ADAMTS12: variants seen among roughly 807,000 people sequenced by gnomAD.
ADAMTS12 encodes ADAM metallopeptidase with thrombospondin type 1 motif 12.
Under a neutral mutation model 167.8 loss-of-function variants are expected in ADAMTS12, and 118 were observed. That is an observed-to-expected ratio of 0.70 (90% confidence interval 0.61 to 0.82). The LOEUF (loss-of-function observed/expected upper bound fraction) is 0.82. Among genes scored for constraint, ADAMTS12 ranks in the 40% least tolerant of loss-of-function variants. The probability of loss-of-function intolerance (pLI) is 0.00; values close to 1 mark genes in which losing one functional copy is unlikely to be tolerated. For synonymous variants in ADAMTS12, 704 were observed against 716.9 expected (o/e 0.98, Z 0.29); for missense variants, 1,916 against 1,998.8 (o/e 0.96, Z 0.79).
At chr5:33,532,200 A>C (rs1196888502) in intron 23 of ADAMTS12, among the ~76,000 whole-genome samples, 1 of 152,114 alleles carries the variant, frequency 6.6e-6, no homozygotes, top group Non-Finnish European at 1.5e-5. Context: ...AGGCGATAAT[A>C]TTTTTTTCAC....
chr5:33,808,604 G>A (rs905070741), intron 2 of ADAMTS12, among the ~76,000 whole-genome samples: 3 of 152,136 alleles, frequency 2.0e-5, no homozygotes, highest in Admixed American at 6.5e-5. Flanking sequence ...AAAGGAAATC[G>A]AATAGAAGAT....
At chr5:33,626,857 GAT>G (rs1739664156) in intron 13 of ADAMTS12, among the ~76,000 whole-genome samples, 1 of 150,986 alleles carries the variant, frequency 6.6e-6, no homozygotes, top group Non-Finnish European at 1.5e-5. Context: ...TGGTGGTGGT[GAT>G]TTGATGGTGG....
At chr5:33,673,891 A>C (rs984754805) in intron 5 of ADAMTS12, among the ~76,000 whole-genome samples, 2 of 151,540 alleles carry the variant, frequency 1.3e-5, no homozygotes, top group Middle Eastern at 6.8e-3. Context: ...ACCTCTATTC[A>C]TTCTTTAAGA....
At chr5:33,619,352 A>C (rs1320500256) in intron 14 of ADAMTS12, among the ~76,000 whole-genome samples, 1 of 152,192 alleles carries the variant, frequency 6.6e-6, no homozygotes, top group Non-Finnish European at 1.5e-5. Context: ...CCTGCCTTAA[A>C]TCTGGTATTC....
intron 9 of ADAMTS12, among the ~76,000 whole-genome samples, chr5:33,644,947 G>T (rs1740604978): frequency 6.6e-6 from 1 of 152,070 alleles, no homozygotes; most frequent in Non-Finnish European, 1.5e-5. Context: ...AGCCAGGATG[G>T]TCTTGATCTC....
chr5:33,727,057 A>T (rs1744006780), intron 3 of ADAMTS12, among the ~76,000 whole-genome samples: 1 of 152,054 alleles, frequency 6.6e-6, no homozygotes. Context: ...GCTCTCACAA[A>T]GCTTCCTCTC....
intron 2 of ADAMTS12, among the ~76,000 whole-genome samples, chr5:33,751,858 G>T (rs1162167169): frequency 6.6e-6 from 1 of 152,200 alleles, no homozygotes; most frequent in African/African-American, 2.4e-5. Context: ...AAAACCCATT[G>T]CTGGATATCT....
intron 12 of ADAMTS12, among the ~76,000 whole-genome samples, chr5:33,631,465 T>C (rs1362135227): frequency 3.3e-5 from 4 of 120,452 alleles, no homozygotes; most frequent in East Asian, 2.2e-4. Context: ...TTGACAACCA[T>C]GTAGAAACAT....
Position 33,526,019 on chromosome 5 carries a change from A to G in ADAMTS12, c.*1169T>C, listed in dbSNP as rs1028037888. The stretch of plus-strand genomic sequence containing the variant: ...CTGATTCACCTGTTCTCCCCAAAGT[A>G]AAAGATCTTTAAGACTAACTACATA... On this transcript the variant is annotated 3_prime_UTR_variant, in exon 24 of 24. Transcript: ENST00000504830. 3.9e-5 allele frequency: 6 copies of G among 152,210 alleles called. No homozygotes were observed. Among genetic ancestry groups the G allele is most frequent in the African/African-American group, 1.4e-4 (6 of 41,458 alleles). 9.4% of individuals were successfully genotyped at this position (152,210 alleles called of 1,614,324 possible).
chr5:33,673,033 A>G (rs1268013348), intron 5 of ADAMTS12, among the ~76,000 whole-genome samples: 1 of 152,132 alleles, frequency 6.6e-6, no homozygotes. Context: ...TTAGTAATTA[A>G]CCAATGAATG....
chr5:33,558,895 A>G (rs746717838), intron 20 of ADAMTS12, among the ~76,000 whole-genome samples: 1 of 152,180 alleles, frequency 6.6e-6, no homozygotes, highest in South Asian at 2.1e-4. Flanking sequence ...AATAAAAAAG[A>G]CCAGTATCGA....
In ADAMTS12 at chr5:33,561,113, C is replaced by CA; in HGVS notation, c.4038dup (p.Asp1347Ter). ...TCAGGTCTCTGGATGGCCGCACAGT[C>CA]AGAATCCATCTGGGTGCTGCACTCC... On this transcript the variant is annotated frameshift_variant, in exon 20 of 24. Coordinates refer to ENST00000504830, the MANE Select transcript of ADAMTS12 (RefSeq NM_030955.4). LOFTEE classifies it high-confidence loss of function. 6.2e-7 allele frequency: 1 copy of CA among 1,614,154 alleles called. No individual in the cohort carries two copies. The highest frequency in any genetic ancestry group is 8.5e-7 in the Non-Finnish European group (1 of 1,180,024).
intron 3 of ADAMTS12, among the ~76,000 whole-genome samples, chr5:33,743,607 A>C (rs1206266295): frequency 1.3e-5 from 2 of 152,218 alleles, no homozygotes; most frequent in East Asian, 3.9e-4. Flanking sequence ...TTGTATCCTA[A>C]TTACCCGGTG....
Position 33,753,879 on chromosome 5 carries a change from A to G in ADAMTS12, c.490-2331T>C, listed in dbSNP as rs555426381. ...CAGAAGCTACCTGGAAACCTGTGAGAGCTGCTGACTCATCCACTAGAGGAG... is the reference window on the plus strand; with the variant it reads ...CAGAAGCTACCTGGAAACCTGTGAGGGCTGCTGACTCATCCACTAGAGGAG... On this transcript the variant is annotated intron_variant, in intron 2 of 23. Transcript: ENST00000504830. Among the ~76,000 whole-genome samples, 30 of 152,258 alleles carry G rather than the reference A, an allele frequency of 2.0e-4. 2 individuals carry two copies. In the East Asian group the frequency reaches 3.3e-3, roughly 17 times the overall value.
At chr5:33,601,667 G>C (rs1738196916) in intron 16 of ADAMTS12, among the ~76,000 whole-genome samples, 1 of 152,028 alleles carries the variant, frequency 6.6e-6, no homozygotes, top group Non-Finnish European at 1.5e-5. Context: ...CATTGACATT[G>C]ACTTCAATAA....
chr5:33,712,686 A>G (rs1407201538), intron 3 of ADAMTS12, among the ~76,000 whole-genome samples: 1 of 152,176 alleles, frequency 6.6e-6, no homozygotes, highest in African/African-American at 2.4e-5. Flanking sequence ...GTGATGATCT[A>G]CATAACAAAC....
At chr5:33,547,261 G>A (rs766091777) in intron 21 of ADAMTS12, among the ~76,000 whole-genome samples, 6 of 152,072 alleles carry the variant, frequency 3.9e-5, no homozygotes, top group Admixed American at 6.5e-5. Context: ...CCTCAGACCA[G>A]CAACTTCAGC....
At chr5:33,877,327 A>C (rs1317143537) in intron 2 of ADAMTS12, among the ~76,000 whole-genome samples, 1 of 152,224 alleles carries the variant, frequency 6.6e-6, no homozygotes, top group Non-Finnish European at 1.5e-5. Context: ...TTGAAAAATC[A>C]GAACCCCAAT....
rs537920695 is a variant in ADAMTS12 at position 33,796,668 on chromosome 5, C to T, written c.490-45120G>A. ...CCAGGCCAGACCATTTACATACCAG[C>T]ATGGGCCTCAGAGTTTCTTCCCTTT... On this transcript the variant is annotated intron_variant, in intron 2 of 23. Coordinates refer to ENST00000504830, the MANE Select transcript of ADAMTS12 (RefSeq NM_030955.4). 3.9e-5 allele frequency among the ~76,000 whole-genome samples: 6 copies of T among 152,232 alleles called. No individual in the cohort carries two copies. The South Asian group carries it at 1.2e-3, about 32-fold the overall frequency.
Sources: gnomAD v4.1 joint callset for allele counts (sites outside exome capture counted in the v4.1 genomes callset) on GRCh38, gnomAD v4.1.1 for gene constraint, MANE v1.5 for transcripts, NCBI Gene and HGNC (gene_info 2026-07-23, HGNC 2026-07-21) for gene names.